The following ARHGEF38 variants were observed in gnomAD, a reference collection of about 807,000 sequenced individuals.
The protein encoded by ARHGEF38 is Rho guanine nucleotide exchange factor (GEF) 38.
Under a neutral mutation model 79.9 loss-of-function variants are expected in ARHGEF38, and 79 were observed. The observed-to-expected ratio is 0.99, with a 90% CI of 0.82 to 1.19. ARHGEF38 has a LOEUF of 1.19. Among genes scored for constraint, ARHGEF38 ranks in the 50% most tolerant of loss-of-function variants. The pLI, the probability that ARHGEF38 is intolerant of heterozygous loss-of-function variation, is 0.00. For missense variants in ARHGEF38, 962 were observed against 907.2 expected, an observed-to-expected ratio of 1.06 and a Z score of -0.78; for synonymous variants, 366 against 328.3, an observed-to-expected ratio of 1.11 and a Z score of -1.24.
At chr4:105,627,539 C>CA in intron 3 of ARHGEF38, among the ~76,000 whole-genome samples, 1 of 152,222 alleles carries the variant, frequency 6.6e-6, no homozygotes, top group Non-Finnish European at 1.5e-5. Flanking sequence ...TAAAAGGGTG[C>CA]ATTTTTTTTC....
chr4:105,580,026 TC>T (rs1403442434), intron 1 of ARHGEF38, among the ~76,000 whole-genome samples: 2 of 152,192 alleles, frequency 1.3e-5, no homozygotes, highest in Non-Finnish European at 2.9e-5. Context: ...CATTGTGTGT[TC>T]AGAATAGTCT....
In ARHGEF38 at chr4:105,664,238, A is replaced by G. The variant is rs148761982; in HGVS notation, c.1546-1939A>G. Among the ~76,000 whole-genome samples, 222 of 152,298 alleles carry G rather than the reference A, an allele frequency of 1.5e-3. 2 individuals carry two copies. The highest frequency in any genetic ancestry group is 5.2e-3 in the African/African-American group (216 of 41,574). ...TCTATTTTTAATTTTCATTTTTATT[A>G]GAGTTATACATACACATAAAGATTC... On this transcript the variant is annotated intron_variant, in intron 10 of 13. Transcript: ENST00000420470.
intron 10 of ARHGEF38, among the ~76,000 whole-genome samples, 172 bp downstream of exon 10, chr4:105,659,537 A>G (rs1261191686): frequency 6.6e-6 from 1 of 152,154 alleles, no homozygotes; most frequent in Non-Finnish European, 1.5e-5. Context: ...TGTCTTATCC[A>G]TGGGAAACTC....
Position 105,679,779 on chromosome 4 carries a change from CTG to C in ARHGEF38, c.*1844_*1845del, listed in dbSNP as rs1731247387. Reference sequence around the variant, plus strand: ...GGTTGATAAAAACATATACAAACCCCTGTCTGTCCAGCTTTACCCACGCATCC... The same window carrying C: ...GGTTGATAAAAACATATACAAACCCCTCTGTCCAGCTTTACCCACGCATCC... On this transcript the variant is annotated 3_prime_UTR_variant, in exon 14 of 14. Coordinates refer to ENST00000420470, the MANE Select transcript of ARHGEF38 (RefSeq NM_001242729.2). The C allele has an allele frequency of 4.1e-6, 4 of 971,578 alleles. No individual in the cohort carries two copies. Among genetic ancestry groups the C allele is most frequent in the South Asian group, 4.0e-5 (3 of 75,872 alleles). The allele number at this position is 971,578 out of a possible 1,614,324, so 60.2% of individuals were successfully genotyped here. A position where few individuals can be genotyped will look rare whatever the true frequency, so the allele number is the denominator to read the frequency against.
chr4:105,564,452 A>G (rs1725789960), intron 1 of ARHGEF38, among the ~76,000 whole-genome samples: 1 of 152,188 alleles, frequency 6.6e-6, no homozygotes, highest in Non-Finnish European at 1.5e-5. Context: ...TCAAATTCAT[A>G]GGGACAAAAA....
intron 8 of ARHGEF38, among the ~76,000 whole-genome samples, chr4:105,654,842 A>T (rs550986516): frequency 2.6e-5 from 4 of 152,230 alleles, no homozygotes; most frequent in Admixed American, 1.3e-4. Flanking sequence ...ATAGAAAGTT[A>T]GTAGTGTTAC....
At chr4:105,622,144 G>C (rs1728760745) in intron 3 of ARHGEF38, among the ~76,000 whole-genome samples, 1 of 152,092 alleles carries the variant, frequency 6.6e-6, no homozygotes, top group Non-Finnish European at 1.5e-5. Context: ...TTAGTAAAAA[G>C]TCTTACAGTT....
intron 2 of ARHGEF38, among the ~76,000 whole-genome samples, chr4:105,592,979 T>G (rs1727410227): frequency 6.6e-6 from 1 of 152,112 alleles, no homozygotes; most frequent in Non-Finnish European, 1.5e-5. Flanking sequence ...CCTTTCTCTC[T>G]CCTGAATAAT....
chr4:105,586,118 A>G (rs1006923867), intron 1 of ARHGEF38, among the ~76,000 whole-genome samples: 2 of 152,074 alleles, frequency 1.3e-5, no homozygotes, highest in African/African-American at 4.8e-5. Flanking sequence ...GTTGAGTTCC[A>G]AATACTTTTA....
chr4:105,636,410 T>C lies in ARHGEF38; in HGVS notation c.664T>C (p.Tyr222His). The part of the protein sequence containing the change: ...SHCIQSLKKI[Y>H]MQEGKPNLLD... ...CTTTTTCTTCTCTTACAGGAAAATA[T>C]ACATGCAAGAGTAAGTACTTTTTAA... The change falls in exon 5 of 14, where the codon TAC becomes CAC. Residue 222 changes from tyrosine (Y) to histidine (H), a missense_variant. Transcript: ENST00000420470. The C allele has an allele frequency of 2.2e-6, 1 of 448,542 alleles. No individual in the cohort carries two copies. Among genetic ancestry groups the C allele is most frequent in the Non-Finnish European group, 3.3e-6 (1 of 299,452 alleles). 27.8% of individuals were successfully genotyped at this position (448,542 alleles called of 1,614,324 possible). A position where few individuals can be genotyped will look rare whatever the true frequency, so the allele number is the denominator to read the frequency against.
chr4:105,673,339 G>A (rs1731016534), intron 13 of ARHGEF38, among the ~76,000 whole-genome samples: 1 of 152,074 alleles, frequency 6.6e-6, no homozygotes, highest in African/African-American at 2.4e-5. Context: ...TTTAATAACG[G>A]CTAAAACCCA....
chr4:105,650,318 A>G (rs1325463031), intron 7 of ARHGEF38, among the ~76,000 whole-genome samples: 1 of 152,202 alleles, frequency 6.6e-6, no homozygotes, highest in East Asian at 1.9e-4. Flanking sequence ...AATGGCTGGA[A>G]CACAACTTTC....
At chr4:105,569,516 G>A (rs1726111564) in intron 1 of ARHGEF38, among the ~76,000 whole-genome samples, 1 of 152,148 alleles carries the variant, frequency 6.6e-6, no homozygotes, top group African/African-American at 2.4e-5. Context: ...CAGAATAATG[G>A]CAAGTAAATC....
rs565308710 is a variant in ARHGEF38 at position 105,666,708 on chromosome 4, G to C, written c.1689+388G>C. On this transcript the variant is annotated intron_variant, in intron 11 of 13. Coordinates refer to ENST00000420470, the MANE Select transcript of ARHGEF38 (RefSeq NM_001242729.2). ...CAAAGTCTCTTAGGGCCCGAGCTGA[G>C]GGGGGGAGTATAAGCGTCTTGATTC... Among the ~76,000 whole-genome samples, 27 of 152,208 alleles carry C rather than the reference G, an allele frequency of 1.8e-4. No individual in the cohort carries two copies. The South Asian group carries it at 5.4e-3, about 30-fold the overall frequency.
intron 10 of ARHGEF38, 129 bp downstream of exon 10, chr4:105,659,494 T>A: frequency 1.0e-6 from 1 of 955,316 alleles, no homozygotes; most frequent in Non-Finnish European, 1.5e-6. Flanking sequence ...TTATTTTAAC[T>A]AAATCCAGTC....
chr4:105,638,105 T>C (rs1025433371), intron 5 of ARHGEF38, among the ~76,000 whole-genome samples: 5 of 152,182 alleles, frequency 3.3e-5, no homozygotes, highest in African/African-American at 9.7e-5. Context: ...GGTTCTTTAG[T>C]GGCAAAGGCC....
chr4:105,673,153 A>G (rs1240622297), intron 13 of ARHGEF38, among the ~76,000 whole-genome samples: 5 of 152,108 alleles, frequency 3.3e-5, no homozygotes, highest in African/African-American at 1.2e-4. Context: ...CACAGGAGTA[A>G]TAGCACATCT....
At chr4:105,664,401 A>T (rs13145251) in intron 10 of ARHGEF38, among the ~76,000 whole-genome samples, 20,243 of 151,998 alleles carry the variant, frequency 0.13, 2,008 homozygotes, top group African/African-American at 0.28. Flanking sequence ...TAAAAATAAG[A>T]CTCTTGTGTT....
chr4:105,633,073 C>T (rs1560735290), intron 4 of ARHGEF38: 4 of 152,710 alleles, frequency 2.6e-5, no homozygotes, highest in Non-Finnish European at 5.9e-5. Context: ...CAGGTAATTC[C>T]CCTGGCCATG....
Sources: gnomAD v4.1 joint callset for allele counts (sites outside exome capture counted in the v4.1 genomes callset) on GRCh38, gnomAD v4.1.1 for gene constraint, MANE v1.5 for transcripts, NCBI Gene and HGNC (gene_info 2026-07-23, HGNC 2026-07-21) for gene names.